Variants in TRANK1 observed in about 807,000 individuals in gnomAD.
TRANK1 encodes the protein tetratricopeptide repeat and ankyrin repeat containing 1, also known as TPR and ankyrin repeat-containing protein 1.
In TRANK1, 198 loss-of-function variants were observed where a neutral mutation model predicts 266.0. The ratio of observed to expected loss-of-function variants is 0.74; its 90% confidence interval spans 0.66 to 0.84. TRANK1 has a LOEUF of 0.84. TRANK1 is among the 40% of genes least tolerant of loss of function. The probability of loss-of-function intolerance (pLI) is 0.00; values close to 1 mark genes in which losing one functional copy is unlikely to be tolerated. For missense variants in TRANK1, 3,326 were observed against 3,634.6 expected, an observed-to-expected ratio of 0.92 and a Z score of 2.18; for synonymous variants, 1,396 against 1,384.1, an observed-to-expected ratio of 1.01 and a Z score of -0.19.
intron 1 of TRANK1, among the ~76,000 whole-genome samples, chr3:36,928,693 AC>A (rs1239993399): frequency 2.6e-5 from 4 of 152,232 alleles, no homozygotes; most frequent in African/African-American, 9.6e-5. Flanking sequence ...TGAAAAGTAT[AC>A]ATGTAATTCT....
At chr3:36,872,880 G>GA (rs11430548) in intron 9 of TRANK1, among the ~76,000 whole-genome samples, 11,396 of 152,156 alleles carry the variant, frequency 0.075, 1,380 homozygotes, top group African/African-American at 0.25. Flanking sequence ...CCCATATCTA[G>GA]ATACATACTA....
At chr3:36,914,450 CTT>C (rs10644293) in intron 1 of TRANK1, among the ~76,000 whole-genome samples, 13 of 137,688 alleles carry the variant, frequency 9.4e-5, no homozygotes, top group African/African-American at 2.4e-4. Context: ...TGGTGTCTTC[CTT>C]TTTTTTTTTT....
chr3:36,862,356 A>ATTCATTTTAATATTTAAAATG (rs958235920), intron 10 of TRANK1, among the ~76,000 whole-genome samples: 1 of 152,334 alleles, frequency 6.6e-6, no homozygotes, highest in South Asian at 2.1e-4. Flanking sequence ...TAAAATGAAT[A>ATTCATTTTAATATTTAAAATG]TTCATTTTAA....
chr3:36,870,755 T>C (rs2079295713), intron 9 of TRANK1, among the ~76,000 whole-genome samples: 1 of 152,062 alleles, frequency 6.6e-6, no homozygotes, highest in Admixed American at 6.5e-5. Flanking sequence ...TCATGCATGC[T>C]TTTCTGCCAA....
rs1263631368 is a variant in TRANK1, at chr3:36,858,805, T to C, written c.1585A>G (p.Thr529Ala). ...ATAGCACGGGGGTCTGCGCCCTTGG[T>C]CAAGAGAAGGAAAGCCAACTCGAAG... ...EDFELAFLLLTKGADPRAISL... is the reference protein window; with the variant it reads ...EDFELAFLLLAKGADPRAISL... The change falls in exon 12 of 24, where the codon ACC (threonine) becomes GCC (alanine). Residue 529 changes from threonine (T) to alanine (A), a missense_variant. Transcript: ENST00000645898. 23 of 1,537,122 alleles carry C rather than the reference T, an allele frequency of 1.5e-5. No individual in the cohort carries two copies. The highest frequency in any genetic ancestry group is 2.0e-5 in the Non-Finnish European group (23 of 1,146,848).
intron 1 of TRANK1, among the ~76,000 whole-genome samples, chr3:36,910,537 C>T (rs1363210794): frequency 6.6e-6 from 1 of 151,746 alleles, no homozygotes; most frequent in Non-Finnish European, 1.5e-5. Context: ...GTCAGGAGTT[C>T]GAGTCCAGCC....
chr3:36,938,010 G>T (rs991130161), intron 1 of TRANK1, among the ~76,000 whole-genome samples: 1 of 152,052 alleles, frequency 6.6e-6, no homozygotes, highest in East Asian at 1.9e-4. Context: ...ACAGCAATTT[G>T]CTTCCTCCTC....
At chr3:36,834,222 A>T (rs1321708437) in intron 21 of TRANK1, among the ~76,000 whole-genome samples, 1 of 152,256 alleles carries the variant, frequency 6.6e-6, no homozygotes, top group African/African-American at 2.4e-5. Context: ...TCTATAGGGC[A>T]AATGTTATGC....
Position 36,850,637 on chromosome 3 carries a change from G to A in TRANK1, c.4887+1082C>T, listed in dbSNP as rs942662354. On this transcript the variant is annotated intron_variant, in intron 15 of 23. Coordinates refer to ENST00000645898, the MANE Select transcript of TRANK1 (RefSeq NM_001329998.2). ...AAAAATAAATTTTAAAAAATAGAAT[G>A]AGAGTAATAAAAATACATATAACCT... 174 of 791,470 alleles carry A rather than the reference G, an allele frequency of 2.2e-4. No individual in the cohort carries two copies. The South Asian group carries it at 3.7e-3, about 17-fold the overall frequency. 49.0% of individuals were successfully genotyped at this position (791,470 alleles called of 1,614,324 possible).
At position 36,857,997 on chromosome 3, in the gene TRANK1, G is replaced by C. The variant is rs753512171; in HGVS notation, c.1725C>G (p.Asn575Lys). 13 of 1,596,760 alleles carry C rather than the reference G, an allele frequency of 8.1e-6. No individual in the cohort carries two copies. The highest frequency in any genetic ancestry group is 1.0e-5 in the Non-Finnish European group (12 of 1,178,004). ...GGTTGAGGTAGTCGAATTCAGTGGG[G>C]TTGGACCAAAACAGATCCAACAGAT... Reference protein sequence around the residue: ...LSHLLDLFWSNPTEFDYLNPN... With the variant: ...LSHLLDLFWSKPTEFDYLNPN... The change falls in exon 13 of 24, where the codon AAC (asparagine) becomes AAG (lysine). Residue 575 changes from asparagine (N) to lysine (K), a missense_variant. Asn to Lys is a moderately conservative substitution (Grantham distance 94, BLOSUM62 0). Transcript: ENST00000645898. The surrounding 1 kb of genome is among the most constrained non-coding windows in gnomAD (Gnocchi z 4.3).
Position 36,833,187 on chromosome 3 carries a change from A to T in TRANK1, c.6396T>A (p.Asn2132Lys). The change falls in exon 22 of 24, where the codon AAT becomes AAA. Residue 2132 changes from asparagine (N) to lysine (K), a missense_variant. Transcript: ENST00000645898. ...VDAKYCQIAQNDPGPILRIIF... is the reference protein window; with the variant it reads ...VDAKYCQIAQKDPGPILRIIF... ...TTATTCTTAATATGGGCCCAGGGTC[A>T]TTCTGAGCTATCTGGCAATACTTGG... The T allele has an allele frequency of 1.9e-6, 3 of 1,613,964 alleles. No individual in the cohort carries two copies. Among genetic ancestry groups the T allele is most frequent in the Non-Finnish European group, 2.5e-6 (3 of 1,179,870 alleles).
In TRANK1 at chr3:36,834,848, G is replaced by A. The variant is rs1256368949; in HGVS notation, c.5577C>T (p.Cys1859=). The change falls in exon 21 of 24, where the codon TGC becomes TGT. Residue 1859 remains cysteine (C), a synonymous_variant. Coordinates refer to ENST00000645898, the MANE Select transcript of TRANK1 (RefSeq NM_001329998.2). ...RSQCYKDAFR[C]FEQIQEFDLA... The stretch of plus-strand genomic sequence containing the variant: ...GATCAAATTCCTGAATCTGCTCAAA[G>A]CATCTGAAAGCGTCTTTGTAGCACT... The A allele has an allele frequency of 6.2e-7, 1 of 1,613,482 alleles. No homozygotes were observed. Among genetic ancestry groups the A allele is most frequent in the African/African-American group, 1.3e-5 (1 of 74,856 alleles).
chr3:36,832,281 C>T lies in TRANK1; in HGVS notation c.7302G>A (p.Met2434Ile), dbSNP rs781242370. Residue 2434 changes from methionine (M) to isoleucine (I), a missense_variant, in exon 22 of 24, where the codon ATG (methionine) becomes ATA (isoleucine). Met to Ile is a conservative substitution (Grantham distance 10, BLOSUM62 1). Transcript: ENST00000645898. ...CTTTGCACCTCTTGATGAGGACATT[C>T]ATGAAACGGAAAAAGAGCCTCTTGT... ...EDYKRLFFRF[M>I]NVLIKRCKEP... The T allele has an allele frequency of 3.7e-5, 60 of 1,613,956 alleles. No homozygotes were observed. Among genetic ancestry groups the T allele is most frequent in the Non-Finnish European group, 4.7e-5 (56 of 1,179,876 alleles).
In TRANK1 at chr3:36,895,702, C is replaced by G. The variant is rs780875843; in HGVS notation, c.490G>C (p.Gly164Arg). ...LPCFDHIFTT[G>R]FPTEVWQSVI... The stretch of plus-strand genomic sequence containing the variant: ...GATTGCCACACTTCTGTTGGGAATC[C>G]AGTTGTGAAAATATGATCAAAGCAA... The change falls in exon 5 of 24, where the codon GGA (glycine) becomes CGA (arginine). Residue 164 changes from glycine to arginine, a missense_variant. Transcript: ENST00000645898. The G allele has an allele frequency of 6.5e-7, 1 of 1,536,654 alleles. No homozygotes were observed.
At position 36,856,181 on chromosome 3, in the gene TRANK1, G is replaced by C; in HGVS notation, c.3541C>G (p.Pro1181Ala). The part of the protein sequence containing the change: ...GDGQAAEVCA[P>A]EHPHQLEHLH... The stretch of plus-strand genomic sequence containing the variant: ...TGCTCCAGCTGGTGGGGATGTTCTG[G>C]TGCACATACTTCTGCAGCTTGGCCG... Residue 1181 changes from proline (P) to alanine (A), a missense_variant, in exon 13 of 24, where the codon CCA becomes GCA. Coordinates refer to ENST00000645898, the MANE Select transcript of TRANK1 (RefSeq NM_001329998.2). 1 of 1,613,910 alleles carries C rather than the reference G, an allele frequency of 6.2e-7. No homozygotes were observed. The highest frequency in any genetic ancestry group is 8.5e-7 in the Non-Finnish European group (1 of 1,179,882).
chr3:36,877,331 A>G (rs1035775447), intron 8 of TRANK1, among the ~76,000 whole-genome samples: 6 of 152,244 alleles, frequency 3.9e-5, no homozygotes, highest in African/African-American at 1.4e-4. Context: ...ACAGAGTAGA[A>G]TAGACTCTTG....
intron 8 of TRANK1, among the ~76,000 whole-genome samples, chr3:36,886,903 GA>G (rs2079614808): frequency 7.9e-6 from 1 of 125,920 alleles, no homozygotes; most frequent in Non-Finnish European, 1.6e-5. Flanking sequence ...TTTTTTGTTG[GA>G]TTTTTTTTTT....
Position 36,842,614 on chromosome 3 carries a change from C to T in TRANK1, c.5280+8G>A, listed in dbSNP as rs1222829717. 6.2e-7 allele frequency: 1 copy of T among 1,613,546 alleles called. No homozygotes were observed. The highest frequency in any genetic ancestry group is 8.5e-7 in the Non-Finnish European group (1 of 1,179,672). On this transcript the variant is annotated splice_region_variant and intron_variant, in intron 18 of 23. Coordinates refer to ENST00000645898, the MANE Select transcript of TRANK1 (RefSeq NM_001329998.2). ...GTGACAAGGACCCCTCCTAGTCCAA[C>T]CCCTTACCTTCCAGCACTGGTGCTT...
At position 36,831,951 on chromosome 3, in the gene TRANK1, C is replaced by T. The variant is rs369160862; in HGVS notation, c.7632G>A (p.Leu2544=). ...CGYENVNFNV[L]LDAFSEIDYV... ...AGTCTATTTCACTGAAGGCATCAAGCAGGACGTTGAAGTTCACATTCTCAT... is the reference window on the plus strand; with the variant it reads ...AGTCTATTTCACTGAAGGCATCAAGTAGGACGTTGAAGTTCACATTCTCAT... The change falls in exon 22 of 24, where the codon CTG becomes CTA. Residue 2544 remains leucine (L), a synonymous_variant. Transcript: ENST00000645898. The surrounding 1 kb of genome is among the most constrained non-coding windows in gnomAD (Gnocchi z 5.0). The T allele has an allele frequency of 3.7e-6, 6 of 1,613,924 alleles. No homozygotes were observed. The highest frequency in any genetic ancestry group is 5.1e-6 in the Non-Finnish European group (6 of 1,179,902).
Sources: gnomAD v4.1 joint callset for allele counts (sites outside exome capture counted in the v4.1 genomes callset) on GRCh38, gnomAD v4.1.1 for gene constraint, Gnocchi (gnomAD v3.1) non-coding constraint, MANE v1.5 for transcripts, NCBI Gene and HGNC (gene_info 2026-07-23, HGNC 2026-07-21) for gene names.